The following C19orf38 variants were observed in gnomAD, a reference collection of about 807,000 sequenced individuals.
C19orf38 encodes the protein chromosome 19 open reading frame 38.
A neutral mutation model predicts 26.6 loss-of-function variants in C19orf38; 14 were observed. The ratio of observed to expected loss-of-function variants is 0.53; its 90% CI spans 0.35 to 0.82. The LOEUF (loss-of-function observed/expected upper bound fraction) is 0.82, where lower values mean the gene tolerates loss of function less well. Among genes scored for constraint, C19orf38 ranks in the 40% least tolerant of loss-of-function variants. The pLI, the probability that C19orf38 is intolerant of heterozygous loss-of-function variation, is 0.01. For missense variants in C19orf38, 261 were observed against 299.5 expected (o/e 0.87, Z 0.95); for synonymous variants, 132 against 128.5 (o/e 1.03, Z -0.18).
At chr19:10,845,697 G>A (rs912429409), upstream of C19orf38, among the ~76,000 whole-genome samples, 3 of 151,286 alleles carry the variant, frequency 2.0e-5, no homozygotes, top group African/African-American at 7.3e-5. Context: ...GGCTAACATG[G>A]TGAAACCCCA....
intron 2 of C19orf38, among the ~76,000 whole-genome samples, chr19:10,853,062 A>T (rs1033607421): frequency 2.0e-5 from 3 of 151,356 alleles, no homozygotes; most frequent in Non-Finnish European, 4.4e-5. Context: ...AAAAAAAAAA[A>T]TTATTTTATT....
At position 10,869,357 on chromosome 19, in the gene C19orf38, C is replaced by T. The variant is rs1372190911; in HGVS notation, c.683C>T (p.Ala228Val). The T allele has an allele frequency of 3.9e-6, 6 of 1,550,312 alleles. No homozygotes were observed. Among genetic ancestry groups the T allele is most frequent in the Non-Finnish European group, 4.4e-6 (5 of 1,146,470 alleles). Residue 228 changes from alanine (A) to valine (V), a missense_variant, in exon 7 of 7, where the codon GCC (alanine) becomes GTC (valine). Transcript: ENST00000397820. Reference protein sequence around the residue: ...PETPEFSTFRACQ With the variant: ...PETPEFSTFRVCQ ...ACCCCCGAATTCAGCACTTTCCGGG[C>T]CTGCCAGTGAGGCTGAGGACTGGGG...
chr19:10,853,226 C>G (rs1485673114), intron 2 of C19orf38, among the ~76,000 whole-genome samples: 1 of 151,788 alleles, frequency 6.6e-6, no homozygotes, highest in Non-Finnish European at 1.5e-5. Flanking sequence ...CCACGCCTGG[C>G]TAATATGTCT....
intron 6 of C19orf38, among the ~76,000 whole-genome samples, chr19:10,868,775 G>A (rs1351780824): frequency 2.6e-5 from 4 of 152,184 alleles, no homozygotes; most frequent in Non-Finnish European, 5.9e-5. Context: ...CAAAGTGCTG[G>A]GATTACAGGC....
At position 10,869,299 on chromosome 19, in the gene C19orf38, A is replaced by C. The variant is rs2073780666; in HGVS notation, c.625A>C (p.Lys209Gln). 6.4e-7 allele frequency: 1 copy of C among 1,551,512 alleles called. No individual in the cohort carries two copies. Among genetic ancestry groups the C allele is most frequent in the Admixed American group, 2.0e-5 (1 of 50,962 alleles). ...TATPSNSRTR[K>Q]RPTSTSSSPE... ...CACCCCCAGCAACTCCAGGACCCGG[A>C]AGAGGCCCACTTCCACGTCCTCCTC... is the stretch of plus-strand genomic sequence containing the variant. Residue 209 changes from lysine to glutamine, a missense_variant, in exon 7 of 7, where the codon AAG (lysine) becomes CAG (glutamine). Transcript: ENST00000397820.
At chr19:10,843,760 G>C (rs1426128272), upstream of C19orf38, among the ~76,000 whole-genome samples, 2 of 152,106 alleles carry the variant, frequency 1.3e-5, no homozygotes, top group African/African-American at 4.8e-5. Context: ...GGGAGACACG[G>C]GACACTGCAG....
rs1236047247 is a variant in C19orf38, at chr19:10,850,566, A to G, written c.339A>G (p.Pro113=). 13 of 1,551,332 alleles carry G rather than the reference A, an allele frequency of 8.4e-6. No individual in the cohort carries two copies. Among genetic ancestry groups the G allele is most frequent in the Non-Finnish European group, 8.7e-6 (10 of 1,146,924 alleles). The change falls in exon 2 of 7, where the codon CCA becomes CCG. Residue 113 remains proline, a splice_region_variant and synonymous_variant. Transcript: ENST00000397820. ...GCGAGCCCGTGAACGTCTCCTTCCC[A>G]GGTAAGGCCCTTCTATGGGATCTCA... ...DLSEPVNVSF[P]VPTWILVLSL... is the part of the protein sequence containing the mutation.
upstream of C19orf38, among the ~76,000 whole-genome samples, chr19:10,848,145 C>G (rs561527425): frequency 8.5e-5 from 13 of 152,150 alleles, no homozygotes; most frequent in Non-Finnish European, 7.4e-5. Flanking sequence ...GAGCCGAGAT[C>G]GCTCCACTGC....
rs777891207 is a variant in C19orf38 at position 10,869,371 on chromosome 19, T to G, written c.*4T>G. 1.3e-6 allele frequency: 2 copies of G among 1,548,002 alleles called. No homozygotes were observed. The highest frequency in any genetic ancestry group is 2.4e-5 in the South Asian group (2 of 83,850). On this transcript the variant is annotated 3_prime_UTR_variant, in exon 7 of 7. Coordinates refer to ENST00000397820, the MANE Select transcript of C19orf38 (RefSeq NM_001136482.3). ...CACTTTCCGGGCCTGCCAGTGAGGC[T>G]GAGGACTGGGGGACCCCTCTGTCTC...
At chr19:10,841,894 C>A in intron 1 of C19orf38, 2 of 1,588,862 alleles carry the variant, frequency 1.3e-6, no homozygotes, top group South Asian at 2.2e-5. Flanking sequence ...TTTTCTTATC[C>A]TGATTCAAAT....
chr19:10,859,348 G>GTC (rs1218237019), intron 4 of C19orf38, among the ~76,000 whole-genome samples: 1 of 55,970 alleles, frequency 1.8e-5, no homozygotes, highest in Non-Finnish European at 3.0e-5. Context: ...GTGTGTGTGT[G>GTC]TATATATATA....
At chr19:10,844,835 G>C (rs1354206729), upstream of C19orf38, among the ~76,000 whole-genome samples, 6 of 130,478 alleles carry the variant, frequency 4.6e-5, no homozygotes, top group Non-Finnish European at 9.6e-5. Context: ...GCGACAGAGC[G>C]AGATTCCATC....
chr19:10,869,394 C>T lies in C19orf38; in HGVS notation c.*27C>T, dbSNP rs1337472299. ...GCTGAGGACTGGGGGACCCCTCTGT[C>T]TCCAGGCATTCGGGGGCCTGAGGTC... On this transcript the variant is annotated 3_prime_UTR_variant, in exon 7 of 7. Transcript: ENST00000397820. The T allele has an allele frequency of 2.6e-6, 4 of 1,526,140 alleles. No individual in the cohort carries two copies. In the East Asian group the frequency reaches 7.4e-5, roughly 28 times the overall value. The allele number at this position is 1,526,140 out of a possible 1,614,324, so 94.5% of individuals were successfully genotyped here. A position where few individuals can be genotyped will look rare whatever the true frequency, so the allele number is the denominator to read the frequency against.
intron 6 of C19orf38, among the ~76,000 whole-genome samples, chr19:10,866,935 C>T (rs1025469847): frequency 5.3e-5 from 8 of 152,008 alleles, no homozygotes; most frequent in African/African-American, 1.9e-4. Flanking sequence ...GCCACTGCAC[C>T]CAGCCTAATT....
intron 4 of C19orf38, among the ~76,000 whole-genome samples, chr19:10,858,748 G>A (rs1028679242): frequency 7.2e-5 from 11 of 152,016 alleles, no homozygotes; most frequent in Non-Finnish European, 1.5e-4. Flanking sequence ...GGGTTGTGCA[G>A]TGCCCAATTG....
intron 1 of C19orf38, 60 bp from the exon 2 acceptor site, chr19:10,850,199 A>G (rs1244570567): frequency 1.4e-6 from 2 of 1,457,866 alleles, no homozygotes; most frequent in East Asian, 2.5e-5. Context: ...CCGAGGCCAC[A>G]TAGCCAGGGC....
intron 6 of C19orf38, among the ~76,000 whole-genome samples, chr19:10,868,719 T>C (rs1291496276): frequency 2.6e-5 from 4 of 152,100 alleles, no homozygotes; most frequent in Non-Finnish European, 5.9e-5. Context: ...TTGGCCAGGC[T>C]GGTCTCGAAC....
chr19:10,852,566 T>C (rs1229809701), intron 2 of C19orf38, among the ~76,000 whole-genome samples: 1 of 152,074 alleles, frequency 6.6e-6, no homozygotes, highest in East Asian at 1.9e-4. Context: ...AAAAACTGAA[T>C]GATGAGGAGG....
chr19:10,854,193 G>A (rs1240502709), intron 2 of C19orf38, among the ~76,000 whole-genome samples: 1 of 151,712 alleles, frequency 6.6e-6, no homozygotes, highest in Non-Finnish European at 1.5e-5. Context: ...CTCCCGAGTA[G>A]CTGGGACTAC....
Sources: allele counts gnomAD v4.1 joint callset (sites outside exome capture counted in the v4.1 genomes callset), GRCh38; gene constraint gnomAD v4.1.1; transcripts MANE v1.5; gene names NCBI Gene and HGNC (gene_info 2026-07-23, HGNC 2026-07-21).